Variants in CLEC19A observed in about 807,000 individuals in gnomAD.
CLEC19A encodes the protein C-type lectin domain family 19 member A.
Under a neutral mutation model 26.1 loss-of-function variants are expected in CLEC19A, and 21 were observed. The observed-to-expected ratio is 0.80, with a 90% CI of 0.57 to 1.16. CLEC19A has a LOEUF of 1.16. Ranked by LOEUF, CLEC19A falls within the 50% of genes most tolerant of loss-of-function variation. The probability of loss-of-function intolerance (pLI) is 0.00; values close to 1 mark genes in which losing one functional copy is unlikely to be tolerated. For synonymous variants in CLEC19A, 89 were observed against 88.6 expected (o/e 1.00, Z -0.03); for missense variants, 224 against 227.6 (o/e 0.98, Z 0.10).
At chr16:19,307,357 G>A (rs1897979150) in intron 3 of CLEC19A, among the ~76,000 whole-genome samples, 188 bp from the exon 4 acceptor site, 1 of 152,236 alleles carries the variant, frequency 6.6e-6, no homozygotes, top group Non-Finnish European at 1.5e-5. Flanking sequence ...ATGGCAGCTA[G>A]TAATAGTAGT....
At chr16:19,292,722 C>A (rs943791778) in intron 1 of CLEC19A, among the ~76,000 whole-genome samples, 1 of 152,196 alleles carries the variant, frequency 6.6e-6, no homozygotes, top group Non-Finnish European at 1.5e-5. Flanking sequence ...GTCACTGCAG[C>A]AGAGACTCAA....
intron 2 of CLEC19A, 72 bp from the exon 3 acceptor site, chr16:19,303,990 C>T: frequency 1.6e-6 from 2 of 1,271,490 alleles, no homozygotes; most frequent in Non-Finnish European, 2.2e-6. Context: ...ATATGGATTG[C>T]TTTCAATTTT....
intron 1 of CLEC19A, among the ~76,000 whole-genome samples, chr16:19,295,006 AT>A (rs1271677208): frequency 6.6e-6 from 1 of 152,136 alleles, no homozygotes; most frequent in Non-Finnish European, 1.5e-5. Context: ...GTTTAGCAGC[AT>A]TCCTGGCCTC....
intron 3 of CLEC19A, among the ~76,000 whole-genome samples, chr16:19,305,623 A>G (rs1261326759): frequency 6.6e-6 from 1 of 152,192 alleles, no homozygotes; most frequent in East Asian, 1.9e-4. Context: ...GTGCAAATTT[A>G]AAAAACCTCT....
intron 1 of CLEC19A, among the ~76,000 whole-genome samples, chr16:19,296,702 A>G (rs1055006457): frequency 2.6e-5 from 4 of 152,176 alleles, no homozygotes; most frequent in Non-Finnish European, 5.9e-5. Flanking sequence ...CAGTTTCCCT[A>G]TATTTCCTTG....
At chr16:19,288,733 C>T (rs935718788) in intron 1 of CLEC19A, among the ~76,000 whole-genome samples, 3 of 152,188 alleles carry the variant, frequency 2.0e-5, no homozygotes, top group Non-Finnish European at 2.9e-5. Context: ...GCTACGTAAA[C>T]ATTTATTATT....
chr16:19,300,375 C>T (rs113405410), intron 2 of CLEC19A, among the ~76,000 whole-genome samples: 26,594 of 151,480 alleles, frequency 0.18, 2,783 homozygotes, highest in Non-Finnish European at 0.22. Context: ...ACAGCAAGAC[C>T]CCATTGCTAC....
intron 1 of CLEC19A, 146 bp from the exon 2 acceptor site, chr16:19,298,527 C>T (rs1897751661): frequency 1.3e-6 from 1 of 792,004 alleles, no homozygotes; most frequent in Non-Finnish European, 2.0e-6. Flanking sequence ...GATCAAACCA[C>T]TGCACTTCAG....
chr16:19,293,656 A>G (rs1021126044), intron 1 of CLEC19A, among the ~76,000 whole-genome samples: 1 of 151,996 alleles, frequency 6.6e-6, no homozygotes, highest in Non-Finnish European at 1.5e-5. Flanking sequence ...GGGTCTCACT[A>G]TGTTGCCCAG....
chr16:19,288,035 G>T (rs1897508779), intron 1 of CLEC19A, among the ~76,000 whole-genome samples: 1 of 152,080 alleles, frequency 6.6e-6, no homozygotes, highest in Non-Finnish European at 1.5e-5. Context: ...ACCTGGGAGA[G>T]CTCGCAGTTT....
chr16:19,291,081 G>A lies in CLEC19A; in HGVS notation c.88+5142G>A, dbSNP rs184369325. ...TGGTCTCAAACTCCTGGCCTCAAAC[G>A]ATCCTCCTGCCTTTGCCTCCCAAAG... On this transcript the variant is annotated intron_variant, in intron 1 of 4. Transcript: ENST00000636231. Among the ~76,000 whole-genome samples, 397 of 152,272 alleles carry A rather than the reference G, an allele frequency of 2.6e-3. 4 individuals carry two copies. The highest frequency in any genetic ancestry group is 8.0e-3 in the Admixed American group (122 of 15,300).
chr16:19,298,574 A>T, intron 1 of CLEC19A, 99 bp from the exon 2 acceptor site: 1 of 1,295,434 alleles, frequency 7.7e-7, no homozygotes, highest in Non-Finnish European at 1.0e-6. Context: ...TCTTAAAAAA[A>T]ATTAAAAGAT....
chr16:19,299,149 G>T (rs1897765271), intron 2 of CLEC19A, among the ~76,000 whole-genome samples: 1 of 152,210 alleles, frequency 6.6e-6, no homozygotes, highest in South Asian at 2.1e-4. Context: ...TTCAGCAGGG[G>T]TAGCAAATAG....
chr16:19,287,316 A>G (rs943319760), intron 1 of CLEC19A, among the ~76,000 whole-genome samples: 2 of 152,164 alleles, frequency 1.3e-5, no homozygotes, highest in Non-Finnish European at 2.9e-5. Context: ...GCAGAGTAAG[A>G]GAAAGCTCTG....
Position 19,307,527 on chromosome 16 carries a change from T to C in CLEC19A, c.349-18T>C. Reference sequence around the variant, plus strand: ...TTCTTGGCTTGCTTCTTTGTCTCTTTGGGTGGAACCCTCCCAGGAAGGGCA... The same window carrying C: ...TTCTTGGCTTGCTTCTTTGTCTCTTCGGGTGGAACCCTCCCAGGAAGGGCA... On this transcript the variant is annotated intron_variant, in intron 3 of 4. Transcript: ENST00000636231. The C allele has an allele frequency of 1.3e-6, 2 of 1,547,430 alleles. No individual in the cohort carries two copies. The highest frequency in any genetic ancestry group is 2.3e-4 in the Middle Eastern group (1 of 4,354).
At position 19,307,540 on chromosome 16, in the gene CLEC19A, C is replaced by G; in HGVS notation, c.349-5C>G. On this transcript the variant is annotated splice_region_variant and splice_polypyrimidine_tract_variant and intron_variant, in intron 3 of 4. Transcript: ENST00000636231. ...TCTTTGTCTCTTTGGGTGGAACCCTCCCAGGAAGGGCAGTTTGAATGGACT... is the reference window on the plus strand; with the variant it reads ...TCTTTGTCTCTTTGGGTGGAACCCTGCCAGGAAGGGCAGTTTGAATGGACT... The G allele has an allele frequency of 6.5e-7, 1 of 1,547,886 alleles. No homozygotes were observed. The highest frequency in any genetic ancestry group is 8.7e-7 in the Non-Finnish European group (1 of 1,146,718).
rs1898034580 is a variant in CLEC19A at position 19,309,838 on chromosome 16, T to G, written c.*755T>G. On this transcript the variant is annotated 3_prime_UTR_variant, in exon 5 of 5. Coordinates refer to ENST00000636231, the MANE Select transcript of CLEC19A (RefSeq NM_001256720.2). The stretch of plus-strand genomic sequence containing the variant: ...TTTTTTTTTTAAATAGAGACGAGGT[T>G]TCATCATGTCATCCAAGCTGGTTTC... 1 of 151,776 alleles carries G rather than the reference T, an allele frequency of 6.6e-6. No homozygotes were observed. The highest frequency in any genetic ancestry group is 1.5e-5 in the Non-Finnish European group (1 of 67,978). The allele number at this position is 151,776 out of a possible 1,614,324, so 9.4% of individuals were successfully genotyped here. A position where few individuals can be genotyped will look rare whatever the true frequency, so the allele number is the denominator to read the frequency against.
chr16:19,295,232 G>A (rs1287371806), intron 1 of CLEC19A, among the ~76,000 whole-genome samples: 1 of 151,998 alleles, frequency 6.6e-6, no homozygotes, highest in East Asian at 1.9e-4. Context: ...TTGAGTCAGG[G>A]TCTTGCTCTA....
chr16:19,302,039 T>C (rs1897846982), intron 2 of CLEC19A, among the ~76,000 whole-genome samples: 1 of 152,146 alleles, frequency 6.6e-6, no homozygotes. Flanking sequence ...AGGAGGCCAG[T>C]GTTTTTTAAC....
Sources: gnomAD v4.1 joint callset for allele counts (sites outside exome capture counted in the v4.1 genomes callset) on GRCh38, gnomAD v4.1.1 for gene constraint, MANE v1.5 for transcripts, NCBI Gene and HGNC (gene_info 2026-07-23, HGNC 2026-07-21) for gene names.